SUPT5H: variants seen among roughly 807,000 people sequenced by gnomAD.
The protein encoded by SUPT5H is transcription elongation factor SPT5.
A neutral mutation model predicts 142.5 loss-of-function variants in SUPT5H; 24 were observed. The ratio of observed to expected loss-of-function variants is 0.17; its 90% CI spans 0.12 to 0.24. The LOEUF is 0.24. SUPT5H is among the 10% of genes least tolerant of loss of function. The pLI is 1.00. For missense variants in SUPT5H, 893 were observed against 1,471.8 expected (o/e 0.61, Z 6.43); for synonymous variants, 546 against 553.0 (o/e 0.99, Z 0.18).
rs75081701 is a variant in SUPT5H at position 39,471,744 on chromosome 19, G to A, written c.1950+14G>A. On this transcript the variant is annotated intron_variant, in intron 20 of 29. Transcript: ENST00000432763. ...GGGGGCTCAAAGGTGAGGTGGGCAT[G>A]GCAGGACCCTGTGCGTTGGGTACCT... 895 of 1,611,238 alleles carry A rather than the reference G, an allele frequency of 5.6e-4. 10 individuals carry two copies. The East Asian group carries it at 0.019, about 34-fold the overall frequency.
chr19:39,451,723 G>A (rs1568418597), intron 2 of SUPT5H, among the ~76,000 whole-genome samples: 1 of 152,060 alleles, frequency 6.6e-6, no homozygotes, highest in African/African-American at 2.4e-5. Flanking sequence ...GTAAAGACGG[G>A]GTTTCACCAC....
At chr19:39,468,313 G>A (rs531230506) in intron 13 of SUPT5H, 1 of 170,546 alleles carries the variant, frequency 5.9e-6, no homozygotes, top group East Asian at 1.6e-4. Context: ...AAGAGCCTGT[G>A]AGGTCATGAG....
intron 13 of SUPT5H, 177 bp from the exon 14 acceptor site, chr19:39,468,579 G>C: frequency 1.6e-6 from 1 of 606,438 alleles, no homozygotes; most frequent in Non-Finnish European, 3.0e-6. Flanking sequence ...AGGGAGGTGG[G>C]AGGCGGGCCT....
At chr19:39,456,275 G>A (rs1156377550) in intron 3 of SUPT5H, among the ~76,000 whole-genome samples, 1 of 149,620 alleles carries the variant, frequency 6.7e-6, no homozygotes, top group East Asian at 2.0e-4. Flanking sequence ...CGTTTCCTAG[G>A]CTGGAGTTCA....
In SUPT5H at chr19:39,445,884, G is replaced by A; in HGVS notation, c.-7G>A. On this transcript the variant is annotated 5_prime_UTR_variant, in exon 2 of 30. Coordinates refer to ENST00000432763, the MANE Select transcript of SUPT5H (RefSeq NM_001111020.3). ...AAGGCTGCTGTCTTTCCCAGCAGCAGCGGAAGATGTCGGACAGCGAGGACA... is the reference window on the plus strand; with the variant it reads ...AAGGCTGCTGTCTTTCCCAGCAGCAACGGAAGATGTCGGACAGCGAGGACA... The A allele has an allele frequency of 6.2e-7, 1 of 1,613,456 alleles. No individual in the cohort carries two copies.
chr19:39,465,414 G>A (rs1373672036), intron 11 of SUPT5H, among the ~76,000 whole-genome samples: 2 of 152,220 alleles, frequency 1.3e-5, no homozygotes, highest in South Asian at 2.1e-4. Flanking sequence ...GAGAGCTTTG[G>A]TGTTTACTGG....
At chr19:39,475,406 ATG>A (rs907899766) in intron 28 of SUPT5H, among the ~76,000 whole-genome samples, 3 of 150,698 alleles carry the variant, frequency 2.0e-5, no homozygotes, top group Admixed American at 1.3e-4. Context: ...AAAAAAAAAA[ATG>A]GTGAGTGATG....
In SUPT5H at chr19:39,469,718, G is replaced by T; in HGVS notation, c.1374+320G>T. 2.0e-6 allele frequency: 1 copy of T among 506,622 alleles called. No homozygotes were observed. Among genetic ancestry groups the T allele is most frequent in the Non-Finnish European group, 3.6e-6 (1 of 277,370 alleles). The allele number at this position is 506,622 out of a possible 1,614,324, so 31.4% of individuals were successfully genotyped here. A position where few individuals can be genotyped will look rare whatever the true frequency, so the allele number is the denominator to read the frequency against. ...TCTGAGGCTTGACTTTGTTTGCTTA[G>T]AGCGGGGTGTGTGTTTGTCTGTGTC... On this transcript the variant is annotated intron_variant, in intron 16 of 29. Transcript: ENST00000432763. This position sits in a 1 kb window ranked among gnomAD's most constrained non-coding sequence, Gnocchi z 5.1.
In SUPT5H at chr19:39,472,149, G is replaced by T. The variant is rs1007713294; in HGVS notation, c.1951-260G>T. On this transcript the variant is annotated intron_variant, in intron 20 of 29. Transcript: ENST00000432763. The surrounding 1 kb of genome is among the most constrained non-coding windows in gnomAD (Gnocchi z 4.2). ...TTTTAGACAGAGGAGGGTAAAAAAGGCCTCAGTGGGAGGCAGTATTGGAGC... is the reference window on the plus strand; with the variant it reads ...TTTTAGACAGAGGAGGGTAAAAAAGTCCTCAGTGGGAGGCAGTATTGGAGC... Among the ~76,000 whole-genome samples the T allele has an allele frequency of 2.6e-5, 4 of 152,152 alleles. No individual in the cohort carries two copies. The East Asian group carries it at 7.7e-4, about 29-fold the overall frequency.
Position 39,472,851 on chromosome 19 carries a change from G to A in SUPT5H, c.2077G>A (p.Gly693Ser). ...GFGSPGGGSGGMSRGRGRRDN... is the reference protein window; with the variant it reads ...GFGSPGGGSGSMSRGRGRRDN... ...TGGTAGCCCAGGTGGCGGCAGTGGT[G>A]GCATGAGCAGGGGCCGGGGCCGGAG... Residue 693 changes from glycine (G) to serine (S), a missense_variant, in exon 22 of 30, where the codon GGC (glycine) becomes AGC (serine). Physicochemically the swap from Gly to Ser is moderately conservative, Grantham distance 56. This residue lies in a region of SUPT5H where 35 missense variants were observed against 29.7 expected (regional missense o/e 1.18). Transcript: ENST00000432763. The surrounding 1 kb of genome is among the most constrained non-coding windows in gnomAD (Gnocchi z 4.2). 6.2e-7 allele frequency: 1 copy of A among 1,613,750 alleles called. No homozygotes were observed. Among genetic ancestry groups the A allele is most frequent in the South Asian group, 1.1e-5 (1 of 91,064 alleles).
At chr19:39,471,014 G>A (rs968408840) in intron 18 of SUPT5H, among the ~76,000 whole-genome samples, 1 of 152,164 alleles carries the variant, frequency 6.6e-6, no homozygotes, top group Non-Finnish European at 1.5e-5. Context: ...CCACCTCAGA[G>A]GAAGTTTTGA....
Position 39,474,999 on chromosome 19 carries a change from T to C in SUPT5H, c.3024+281T>C. 1 of 501,562 alleles carries C rather than the reference T, an allele frequency of 2.0e-6. No individual in the cohort carries two copies. Among genetic ancestry groups the C allele is most frequent in the South Asian group, 2.2e-5 (1 of 46,374 alleles). 31.1% of individuals were successfully genotyped at this position (501,562 alleles called of 1,614,324 possible). ...GTGACTGGGGTGAGTGAGTTCCAAA[T>C]GGAGGGAACTGCATGTGCAGAGGCC... is the stretch of plus-strand genomic sequence containing the variant. On this transcript the variant is annotated intron_variant, in intron 28 of 29. Transcript: ENST00000432763. The surrounding 1 kb of genome is among the most constrained non-coding windows in gnomAD (Gnocchi z 6.5).
intron 10 of SUPT5H, among the ~76,000 whole-genome samples, chr19:39,462,917 G>A (rs1233003845): frequency 1.5e-5 from 2 of 133,728 alleles, no homozygotes; most frequent in African/African-American, 2.9e-5. Flanking sequence ...TCGGCTCACC[G>A]CAACCTGCAC....
rs1364164154 is a variant in SUPT5H, at chr19:39,474,532, C to T, written c.2838C>T (p.Ser946=). The T allele has an allele frequency of 3.1e-6, 5 of 1,614,210 alleles. No individual in the cohort carries two copies. In the Admixed American group the frequency reaches 6.7e-5, roughly 22 times the overall value. Residue 946 remains serine, a synonymous_variant, in exon 28 of 30, where the codon AGC becomes AGT. Coordinates refer to ENST00000432763, the MANE Select transcript of SUPT5H (RefSeq NM_001111020.3). The surrounding 1 kb of genome is among the most constrained non-coding windows in gnomAD (Gnocchi z 6.5). ...PMAYQASPSP[S]PVGYSPMTPG... Reference sequence around the variant, plus strand: ...CCCTGCAGGCTAGCCCCAGCCCGAGCCCCGTTGGCTACAGTCCTATGACAC... The same window carrying T: ...CCCTGCAGGCTAGCCCCAGCCCGAGTCCCGTTGGCTACAGTCCTATGACAC...
intron 2 of SUPT5H, 103 bp from the exon 3 acceptor site, chr19:39,453,253 A>C (rs1409036309): frequency 3.6e-6 from 5 of 1,392,944 alleles, no homozygotes; most frequent in Non-Finnish European, 4.8e-6. Context: ...GTGGGCTATG[A>C]TTGGCCAGGC....
chr19:39,470,628 C>T lies in SUPT5H; in HGVS notation c.1677+105C>T. ...AGAGCCCCCAGACTGCTCTGGGTTG[C>T]AGATCTGGCTCTGTCACTTACATCT... On this transcript the variant is annotated intron_variant, in intron 18 of 29. Transcript: ENST00000432763. This position sits in a 1 kb window ranked among gnomAD's most constrained non-coding sequence, Gnocchi z 5.8. The T allele has an allele frequency of 7.7e-7, 1 of 1,303,294 alleles. No individual in the cohort carries two copies. 80.7% of individuals were successfully genotyped at this position (1,303,294 alleles called of 1,614,324 possible).
At chr19:39,457,781 G>C in intron 4 of SUPT5H, 41 bp downstream of exon 4, 1 of 1,613,712 alleles carries the variant, frequency 6.2e-7, no homozygotes, top group African/African-American at 1.3e-5. Context: ...CTGGGAAGAG[G>C]GTGGCTGAGA....
Position 39,466,593 on chromosome 19 carries a change from G to A in SUPT5H, c.966+24G>A, listed in dbSNP as rs77989588. The A allele has an allele frequency of 1.8e-6, 2 of 1,119,464 alleles. No homozygotes were observed. The highest frequency in any genetic ancestry group is 1.9e-5 in the African/African-American group (1 of 53,662). 69.3% of individuals were successfully genotyped at this position (1,119,464 alleles called of 1,614,324 possible). A position where few individuals can be genotyped will look rare whatever the true frequency, so the allele number is the denominator to read the frequency against. The stretch of plus-strand genomic sequence containing the variant: ...TGGTACTCAGGGGAATCTGTGGCCT[G>A]GGGGGGAGGGAGTGTGCTCGATCCC... On this transcript the variant is annotated intron_variant, in intron 12 of 29. Coordinates refer to ENST00000432763, the MANE Select transcript of SUPT5H (RefSeq NM_001111020.3). This position sits in a 1 kb window ranked among gnomAD's most constrained non-coding sequence, Gnocchi z 4.3.
intron 2 of SUPT5H, among the ~76,000 whole-genome samples, chr19:39,447,988 C>T (rs1419324912): frequency 2.0e-5 from 3 of 152,124 alleles, no homozygotes; most frequent in African/African-American, 7.2e-5. Context: ...ATTAAGATTT[C>T]TTTTTCTGGG....
Sources: allele counts gnomAD v4.1 joint callset (sites outside exome capture counted in the v4.1 genomes callset), GRCh38; gene constraint gnomAD v4.1.1; regional missense constraint gnomAD v4.1.1; non-coding constraint Gnocchi (gnomAD v3.1); transcripts MANE v1.5; gene names NCBI Gene and HGNC (gene_info 2026-07-23, HGNC 2026-07-21).